The following ZNF804B variants were observed in gnomAD, a reference collection of about 807,000 sequenced individuals.
ZNF804B encodes zinc finger protein 804B, also known as zinc finger 804B.
ZNF804B carries 80 observed loss-of-function variants against 101.4 expected under a neutral mutation model. The observed-to-expected ratio is 0.79, with a 90% CI of 0.66 to 0.95. ZNF804B has a LOEUF of 0.95. Ranked by LOEUF, ZNF804B falls within the 40% of genes least tolerant of loss-of-function variation. ZNF804B has a pLI of 0.00. For missense variants in ZNF804B, 1,673 were observed against 1,561.9 expected, an observed-to-expected ratio of 1.07 and a Z score of -1.20; for synonymous variants, 622 against 558.8, an observed-to-expected ratio of 1.11 and a Z score of -1.59.
At chr7:88,968,260 G>A (rs958538450) in intron 1 of ZNF804B, among the ~76,000 whole-genome samples, 37 of 151,556 alleles carry the variant, frequency 2.4e-4, no homozygotes, top group African/African-American at 5.8e-4. Context: ...TTTTTTAAGC[G>A]ATAACTTTTG....
chr7:89,204,748 C>T (rs1024668774), intron 1 of ZNF804B, among the ~76,000 whole-genome samples: 1 of 152,164 alleles, frequency 6.6e-6, no homozygotes, highest in Admixed American at 6.5e-5. Context: ...GAAGGTAGGA[C>T]TATTAAAATG....
chr7:89,218,392 T>G, intron 2 of ZNF804B, 97 bp downstream of exon 2: 1 of 1,388,590 alleles, frequency 7.2e-7, no homozygotes, highest in Non-Finnish European at 9.9e-7. Context: ...TATAAGACTG[T>G]GAGGTAAGAA....
At chr7:89,068,360 T>C (rs1789486347) in intron 1 of ZNF804B, among the ~76,000 whole-genome samples, 1 of 152,046 alleles carries the variant, frequency 6.6e-6, no homozygotes, top group Non-Finnish European at 1.5e-5. Flanking sequence ...GATGTTTTAT[T>C]ATATGAATGT....
chr7:89,336,615 C>T lies in ZNF804B; in HGVS notation c.3633C>T (p.His1211=). Residue 1211 remains histidine (H), a synonymous_variant, in exon 4 of 4, where the codon CAC becomes CAT. Transcript: ENST00000333190. The part of the protein sequence containing the change: ...HQHTSITTIH[H]TFLQHFAVSA... ...ACACTTCTATCACCACCATCCACCA[C>T]ACGTTCCTGCAGCATTTTGCTGTTT... 6.2e-7 allele frequency: 1 copy of T among 1,614,108 alleles called. No homozygotes were observed. The highest frequency in any genetic ancestry group is 8.5e-7 in the Non-Finnish European group (1 of 1,180,000).
intron 1 of ZNF804B, among the ~76,000 whole-genome samples, chr7:88,831,473 T>C (rs1420150400): frequency 1.3e-5 from 2 of 149,430 alleles, no homozygotes; most frequent in Admixed American, 1.4e-4. Flanking sequence ...TGACTACTTT[T>C]CTGTTCATTT....
chr7:89,053,802 T>C (rs1170288619), intron 1 of ZNF804B, among the ~76,000 whole-genome samples: 1 of 152,030 alleles, frequency 6.6e-6, no homozygotes, highest in Non-Finnish European at 1.5e-5. Context: ...AAACCTCTTA[T>C]CTGAACTGAT....
intron 1 of ZNF804B, among the ~76,000 whole-genome samples, chr7:89,201,987 C>A (rs534985349): frequency 1.3e-5 from 2 of 151,980 alleles, no homozygotes; most frequent in African/African-American, 4.8e-5. Flanking sequence ...GCCTAACATA[C>A]GATTTTGTAC....
intron 2 of ZNF804B, among the ~76,000 whole-genome samples, chr7:89,249,852 G>C (rs1789512522): frequency 6.6e-6 from 1 of 152,062 alleles, no homozygotes; most frequent in Admixed American, 6.6e-5. Context: ...CCAAAAGTTG[G>C]GTCTCTGAAG....
chr7:89,126,719 G>T (rs927132547), intron 1 of ZNF804B, among the ~76,000 whole-genome samples: 1 of 151,462 alleles, frequency 6.6e-6, no homozygotes, highest in Non-Finnish European at 1.5e-5. Flanking sequence ...TTATAGATTC[G>T]GAGTACGGAG....
intron 1 of ZNF804B, among the ~76,000 whole-genome samples, chr7:88,784,723 T>C (rs149746371): frequency 4.7e-4 from 72 of 152,326 alleles, no homozygotes; most frequent in African/African-American, 1.6e-3. Flanking sequence ...CCACTTTGCA[T>C]AGGTCACCCT....
In ZNF804B at chr7:89,257,005, A is replaced by G. The variant is rs527490906; in HGVS notation, c.249+38710A>G. ...TTTTAAAAAAGAGAACATGTATATG[A>G]AACTTAAAATGCCATTGTGAGCCAG... On this transcript the variant is annotated intron_variant, in intron 2 of 3. Coordinates refer to ENST00000333190, the MANE Select transcript of ZNF804B (RefSeq NM_181646.5). 3.1e-3 allele frequency among the ~76,000 whole-genome samples: 473 copies of G among 152,340 alleles called. 2 individuals are homozygous for G. Among genetic ancestry groups the G allele is most frequent in the Non-Finnish European group, 5.3e-3 (360 of 68,028 alleles).
intron 1 of ZNF804B, among the ~76,000 whole-genome samples, chr7:89,203,808 T>A (rs1411258070): frequency 6.6e-6 from 1 of 152,196 alleles, no homozygotes; most frequent in Non-Finnish European, 1.5e-5. Context: ...GACTTGCTTT[T>A]TCTTAAAAGC....
chr7:89,068,458 C>G (rs1193251638), intron 1 of ZNF804B, among the ~76,000 whole-genome samples: 4 of 151,870 alleles, frequency 2.6e-5, no homozygotes, highest in African/African-American at 9.7e-5. Context: ...ACTGATTTTT[C>G]TGTAAGGAGA....
At chr7:88,843,572 C>T (rs1482614775) in intron 1 of ZNF804B, among the ~76,000 whole-genome samples, 5 of 151,998 alleles carry the variant, frequency 3.3e-5, no homozygotes, top group African/African-American at 1.2e-4. Flanking sequence ...CCCGTCTCTA[C>T]TAAAAATACA....
rs143293597 is a variant in ZNF804B at position 89,306,224 on chromosome 7, T to C, written c.250-21120T>C. On this transcript the variant is annotated intron_variant, in intron 2 of 3. Transcript: ENST00000333190. ...ATTACAGTTAATTGCATAATCATAT[T>C]AACGAAATATCTTATCCCATTATCG... Among the ~76,000 whole-genome samples the C allele has an allele frequency of 2.3e-3, 351 of 152,090 alleles. 2 individuals are homozygous for C. The highest frequency in any genetic ancestry group is 8.2e-3 in the African/African-American group (340 of 41,548).
At chr7:89,114,386 A>G (rs1280480944) in intron 1 of ZNF804B, among the ~76,000 whole-genome samples, 2 of 152,220 alleles carry the variant, frequency 1.3e-5, no homozygotes, top group East Asian at 1.9e-4. Context: ...CCATGGTTCA[A>G]TGAAGCAATT....
At chr7:89,167,998 T>C (rs1419304072) in intron 1 of ZNF804B, among the ~76,000 whole-genome samples, 1 of 152,136 alleles carries the variant, frequency 6.6e-6, no homozygotes, top group Non-Finnish European at 1.5e-5. Flanking sequence ...AAATAGTACA[T>C]TGTAGTTGAC....
At chr7:88,865,157 G>C (rs967432759) in intron 1 of ZNF804B, among the ~76,000 whole-genome samples, 2 of 151,588 alleles carry the variant, frequency 1.3e-5, no homozygotes, top group African/African-American at 4.9e-5. Flanking sequence ...GAACCCAGGA[G>C]GCGAAGGTTG....
intron 1 of ZNF804B, among the ~76,000 whole-genome samples, chr7:88,810,152 G>A (rs547516743): frequency 2.6e-5 from 4 of 151,758 alleles, no homozygotes; most frequent in Non-Finnish European, 5.9e-5. Context: ...AATATAATGA[G>A]TTTTAGTTAA....
Sources: allele counts gnomAD v4.1 joint callset (sites outside exome capture counted in the v4.1 genomes callset), GRCh38; gene constraint gnomAD v4.1.1; transcripts MANE v1.5; gene names NCBI Gene and HGNC (gene_info 2026-07-23, HGNC 2026-07-21).